The following CORO2B variants were observed in gnomAD, a reference collection of about 807,000 sequenced individuals.
CORO2B encodes coronin-2B.
A neutral mutation model predicts 58.8 loss-of-function variants in CORO2B; 26 were observed. That is an observed-to-expected ratio of 0.44 (90% CI 0.32 to 0.61). CORO2B has a LOEUF of 0.61. Ranked by LOEUF, CORO2B falls within the 20% of genes least tolerant of loss-of-function variation. CORO2B has a pLI of 0.04. For synonymous variants in CORO2B, 242 were observed against 253.8 expected (o/e 0.95, Z 0.44); for missense variants, 460 against 645.1 (o/e 0.71, Z 3.11).
At chr15:68,712,552 C>A (rs908615996) in intron 5 of CORO2B, among the ~76,000 whole-genome samples, 3 of 152,104 alleles carry the variant, frequency 2.0e-5, no homozygotes, top group African/African-American at 7.2e-5. Context: ...GGAAACAATC[C>A]AAAATCTGAA....
intron 1 of CORO2B, among the ~76,000 whole-genome samples, chr15:68,598,786 A>G (rs137907699): frequency 7.2e-4 from 110 of 152,346 alleles, no homozygotes; most frequent in African/African-American, 2.5e-3. Flanking sequence ...GGGTTTGTAC[A>G]GAAACGCTGC....
chr15:68,679,701 G>A (rs1902708809), intron 2 of CORO2B, among the ~76,000 whole-genome samples: 1 of 152,178 alleles, frequency 6.6e-6, no homozygotes, highest in African/African-American at 2.4e-5. Context: ...ACTTCTAGGG[G>A]TTCGGAGTGC....
the CORO2B span, among the ~76,000 whole-genome samples, chr15:68,543,654 A>G: frequency 2.0e-5 from 3 of 152,052 alleles, no homozygotes; most frequent in Admixed American, 1.3e-4. Context: ...CTTGCCTCCA[A>G]AGAAGGCTTC....
chr15:68,662,919 C>G (rs1282104663), intron 2 of CORO2B, among the ~76,000 whole-genome samples: 1 of 151,806 alleles, frequency 6.6e-6, no homozygotes, highest in Non-Finnish European at 1.5e-5. Context: ...TTATGACATA[C>G]CTTTTTCTTA....
chr15:68,689,618 G>A (rs1892305381), intron 2 of CORO2B, among the ~76,000 whole-genome samples: 1 of 152,180 alleles, frequency 6.6e-6, no homozygotes, highest in Non-Finnish European at 1.5e-5. Flanking sequence ...GCAGTTAGGA[G>A]CCAGGCTTCA....
chr15:68,684,578 G>A (rs1179946799), intron 2 of CORO2B, among the ~76,000 whole-genome samples: 3 of 152,242 alleles, frequency 2.0e-5, no homozygotes, highest in African/African-American at 7.2e-5. Context: ...ACCCTGCAGT[G>A]GAGCAGGCAG....
intron 8 of CORO2B, 121 bp downstream of exon 8, chr15:68,715,432 G>A: frequency 1.4e-6 from 1 of 692,536 alleles, no homozygotes; most frequent in Middle Eastern, 2.8e-4. Flanking sequence ...ACATGGGCAA[G>A]TTGGAACAGA....
intron 1 of CORO2B, among the ~76,000 whole-genome samples, chr15:68,611,239 AT>A (rs1900241511): frequency 6.6e-6 from 1 of 152,250 alleles, no homozygotes; most frequent in South Asian, 2.1e-4. Context: ...TTTTTAAAAA[AT>A]AACAGTGTCT....
At chr15:68,601,301 C>G (rs1490195755) in intron 1 of CORO2B, among the ~76,000 whole-genome samples, 2 of 152,182 alleles carry the variant, frequency 1.3e-5, no homozygotes, top group Non-Finnish European at 2.9e-5. Flanking sequence ...GGGCGGCAGG[C>G]GGGGACAGGA....
chr15:68,557,714 G>A, the CORO2B span, among the ~76,000 whole-genome samples: 1 of 152,224 alleles, frequency 6.6e-6, no homozygotes, highest in Non-Finnish European at 1.5e-5. Flanking sequence ...GAGAGGTTAA[G>A]TAAATGCCCA....
chr15:68,676,161 T>C (rs1902578792), intron 2 of CORO2B, among the ~76,000 whole-genome samples: 1 of 152,226 alleles, frequency 6.6e-6, no homozygotes, highest in South Asian at 2.1e-4. Flanking sequence ...GGGCACAGTG[T>C]GGGCAGATAA....
In CORO2B at chr15:68,724,846, C is replaced by T. The variant is rs530374659; in HGVS notation, c.1312-997C>T. Among the ~76,000 whole-genome samples, 48 of 152,138 alleles carry T rather than the reference C, an allele frequency of 3.2e-4. 1 individual carries two copies. The highest frequency in any genetic ancestry group is 1.0e-3 in the South Asian group (5 of 4,820). On this transcript the variant is annotated intron_variant, in intron 11 of 11. Coordinates refer to ENST00000261861, the MANE Select transcript of CORO2B (RefSeq NM_006091.5). Reference sequence around the variant, plus strand: ...GAGCCTGCTGCCTTCCAGGGCTCGGCGTTTTGTGGACATCTGTCAATATGC... The same window carrying T: ...GAGCCTGCTGCCTTCCAGGGCTCGGTGTTTTGTGGACATCTGTCAATATGC...
chr15:68,581,021 A>G (rs1483162417), intron 1 of CORO2B, among the ~76,000 whole-genome samples: 1 of 152,104 alleles, frequency 6.6e-6, no homozygotes, highest in Non-Finnish European at 1.5e-5. Flanking sequence ...ATGGCCAGTG[A>G]TCTTTGCACT....
intron 2 of CORO2B, among the ~76,000 whole-genome samples, chr15:68,672,159 G>GGTGTGTGTGTGT (rs60989044): frequency 0.087 from 12,652 of 145,940 alleles, 668 homozygotes; most frequent in African/African-American, 0.14. Context: ...GTAATCGGGA[G>GGTGTGTGTGTGT]GTGTGTGTGT....
the CORO2B span, among the ~76,000 whole-genome samples, chr15:68,526,344 A>G: frequency 2.0e-5 from 3 of 152,160 alleles, no homozygotes; most frequent in Admixed American, 2.0e-4. Context: ...AAATTTCTAA[A>G]ATTTTCTGAA....
At chr15:68,671,262 G>GT (rs374763744) in intron 2 of CORO2B, among the ~76,000 whole-genome samples, 26 of 151,096 alleles carry the variant, frequency 1.7e-4, no homozygotes, top group Admixed American at 4.6e-4. Flanking sequence ...TTCTGTTGTT[G>GT]TTTTTTTTTC....
intron 1 of CORO2B, among the ~76,000 whole-genome samples, chr15:68,644,789 A>G (rs1901367576): frequency 6.6e-6 from 1 of 152,126 alleles, no homozygotes; most frequent in African/African-American, 2.4e-5. Context: ...AACCGAGCAC[A>G]GTTCCAGATA....
At chr15:68,673,082 A>G (rs955779828) in intron 2 of CORO2B, among the ~76,000 whole-genome samples, 1 of 152,194 alleles carries the variant, frequency 6.6e-6, no homozygotes, top group African/African-American at 2.4e-5. Context: ...AATGGGGGCC[A>G]CTGTGAGTGC....
At position 68,695,125 on chromosome 15, in the gene CORO2B, C is replaced by G. The variant is rs766073423; in HGVS notation, c.217-15C>G. On this transcript the variant is annotated splice_polypyrimidine_tract_variant and intron_variant, in intron 2 of 11. Coordinates refer to ENST00000261861, the MANE Select transcript of CORO2B (RefSeq NM_006091.5). ...AACTAATCTCCTTCTCTCTCTCTCT[C>G]TTTCTCCTCTGCAGACAGGCAGGAT... 1.9e-6 allele frequency: 3 copies of G among 1,599,706 alleles called. No homozygotes were observed. The South Asian group carries it at 3.3e-5, about 18-fold the overall frequency.
Sources: gnomAD v4.1 joint callset for allele counts (sites outside exome capture counted in the v4.1 genomes callset) on GRCh38, gnomAD v4.1.1 for gene constraint, MANE v1.5 for transcripts, NCBI Gene and HGNC (gene_info 2026-07-23, HGNC 2026-07-21) for gene names.